The following TACC2 variants were observed in gnomAD, a reference collection of about 807,000 sequenced individuals.
The protein encoded by TACC2 is transforming acidic coiled-coil containing protein 2, also known as transforming acidic coiled-coil-containing protein 2.
In TACC2, 137 loss-of-function variants were observed where a neutral mutation model predicts 227.3. The observed-to-expected ratio is 0.60, with a 90% CI of 0.52 to 0.69. TACC2 has a LOEUF of 0.69. Ranked by LOEUF, TACC2 falls within the 30% of genes least tolerant of loss-of-function variation. The pLI is 0.00. For missense variants in TACC2, 3,470 were observed against 3,694.4 expected (o/e 0.94, Z 1.57); for synonymous variants, 1,523 against 1,487.5 (o/e 1.02, Z -0.55).
chr10:122,159,143 A>G (rs1011964925), intron 7 of TACC2, among the ~76,000 whole-genome samples: 1 of 151,922 alleles, frequency 6.6e-6, no homozygotes, highest in African/African-American at 2.4e-5. Context: ...ATTGAGAGAG[A>G]TGCAGAAGTT....
intron 13 of TACC2, among the ~76,000 whole-genome samples, chr10:122,226,965 T>A (rs947793138): frequency 2.0e-5 from 3 of 152,228 alleles, no homozygotes; most frequent in Non-Finnish European, 4.4e-5. Flanking sequence ...CCTGGTTGTG[T>A]GACCTGAAGT....
intron 5 of TACC2, among the ~76,000 whole-genome samples, chr10:122,127,977 T>C (rs1400464924): frequency 6.6e-6 from 1 of 152,228 alleles, no homozygotes; most frequent in Non-Finnish European, 1.5e-5. Context: ...TCCTGATTTA[T>C]GCACGTTCTG....
intron 1 of TACC2, among the ~76,000 whole-genome samples, chr10:121,994,032 C>T (rs550632064): frequency 1.3e-5 from 2 of 152,208 alleles, no homozygotes; most frequent in African/African-American, 4.8e-5. Flanking sequence ...TTTTCAGTGA[C>T]GGTATATAAA....
At chr10:122,204,658 A>T (rs1239009458) in intron 8 of TACC2, among the ~76,000 whole-genome samples, 6 of 152,194 alleles carry the variant, frequency 3.9e-5, no homozygotes, top group Non-Finnish European at 8.8e-5. Flanking sequence ...CAGCATAGCA[A>T]GACTGCATCT....
intron 8 of TACC2, among the ~76,000 whole-genome samples, chr10:122,208,294 C>T (rs1043627862): frequency 6.6e-6 from 1 of 152,126 alleles, no homozygotes; most frequent in Non-Finnish European, 1.5e-5. Context: ...AAAGTGTGAC[C>T]AGTCAAGGGG....
At chr10:122,008,264 A>ATTT (rs71022877) in intron 1 of TACC2, among the ~76,000 whole-genome samples, 218 of 134,658 alleles carry the variant, frequency 1.6e-3, no homozygotes, top group African/African-American at 5.5e-3. Context: ...TATTATTATT[A>ATTT]TTTTTTTTTT....
In TACC2 at chr10:122,038,810, G is replaced by GA. The variant is rs562786492; in HGVS notation, c.34-11620dup. Among the ~76,000 whole-genome samples, 33 of 151,664 alleles carry GA rather than the reference G, an allele frequency of 2.2e-4. No homozygotes were observed. In the South Asian group the frequency reaches 5.4e-3, roughly 25 times the overall value. On this transcript the variant is annotated intron_variant, in intron 2 of 22. Transcript: ENST00000369005. The stretch of plus-strand genomic sequence containing the variant: ...CATGAGAAAAGAAGGAGAGAGAAAA[G>GA]AAAAAAAATAATTAAAACCATTTTC...
chr10:122,188,151 G>T (rs2094277800), intron 7 of TACC2, among the ~76,000 whole-genome samples: 1 of 152,214 alleles, frequency 6.6e-6, no homozygotes, highest in South Asian at 2.1e-4. Context: ...CTCCCTGGAA[G>T]TTAAACCGTG....
intron 6 of TACC2, among the ~76,000 whole-genome samples, chr10:122,139,308 A>G (rs188078162): frequency 2.6e-5 from 4 of 152,316 alleles, no homozygotes; most frequent in African/African-American, 9.6e-5. Flanking sequence ...AAATCTGCAG[A>G]TCAGCTTGTT....
chr10:122,114,441 T>G (rs1326826037), intron 5 of TACC2, among the ~76,000 whole-genome samples: 3 of 152,226 alleles, frequency 2.0e-5, no homozygotes, highest in African/African-American at 7.2e-5. Context: ...GGAAGGGTTT[T>G]GTTGAAAATT....
intron 7 of TACC2, among the ~76,000 whole-genome samples, chr10:122,176,012 T>TGA (rs968202213): frequency 4.6e-5 from 7 of 150,982 alleles, no homozygotes; most frequent in Non-Finnish European, 8.8e-5. Context: ...ACCCAGGAGT[T>TGA]GAGGCTGCAG....
At chr10:122,110,546 T>C (rs1034858949) in intron 5 of TACC2, among the ~76,000 whole-genome samples, 5 of 152,204 alleles carry the variant, frequency 3.3e-5, no homozygotes, top group Non-Finnish European at 7.3e-5. Context: ...CATGGGACTA[T>C]GGCTGTGTCC....
chr10:122,161,630 T>G (rs1186680059), intron 7 of TACC2, among the ~76,000 whole-genome samples: 1 of 152,250 alleles, frequency 6.6e-6, no homozygotes, highest in Non-Finnish European at 1.5e-5. Flanking sequence ...CAGCAGAACC[T>G]TTACCTATTA....
intron 3 of TACC2, among the ~76,000 whole-genome samples, chr10:122,073,129 ATATAT>A (rs536353944): frequency 0.01 from 574 of 55,664 alleles, 4 homozygotes; most frequent in Non-Finnish European, 0.014. Context: ...AAAAAAAAAT[ATATAT>A]ATATATATAT....
chr10:122,024,264 G>A (rs1283774078), intron 2 of TACC2, among the ~76,000 whole-genome samples: 1 of 152,122 alleles, frequency 6.6e-6, no homozygotes, highest in East Asian at 1.9e-4. Context: ...TACTCAGGAT[G>A]CTGAGGTGGG....
intron 3 of TACC2, among the ~76,000 whole-genome samples, chr10:122,068,429 C>A (rs2077624909): frequency 6.6e-6 from 1 of 152,030 alleles, no homozygotes; most frequent in African/African-American, 2.4e-5. Context: ...CCTATAAATG[C>A]TATTGAACTT....
At chr10:122,091,650 G>A (rs1470966022) in intron 5 of TACC2, among the ~76,000 whole-genome samples, 1 of 152,098 alleles carries the variant, frequency 6.6e-6, no homozygotes, top group Non-Finnish European at 1.5e-5. Flanking sequence ...TTGAGGCAGA[G>A]GCTCTGAACT....
intron 5 of TACC2, among the ~76,000 whole-genome samples, chr10:122,118,176 G>A (rs1432463752): frequency 6.6e-6 from 1 of 151,886 alleles, no homozygotes; most frequent in African/African-American, 2.4e-5. Context: ...CACCATGCCC[G>A]GCTAATTTTT....
At chr10:122,092,791 T>C (rs2080967025) in intron 5 of TACC2, among the ~76,000 whole-genome samples, 2 of 152,192 alleles carry the variant, frequency 1.3e-5, no homozygotes. Context: ...CATAGAAATG[T>C]ATAGAATGAA....
Sources: gnomAD v4.1 joint callset for allele counts (sites outside exome capture counted in the v4.1 genomes callset) on GRCh38, gnomAD v4.1.1 for gene constraint, MANE v1.5 for transcripts, NCBI Gene and HGNC (gene_info 2026-07-23, HGNC 2026-07-21) for gene names.